The following DLG2 variants were observed in gnomAD, a reference collection of about 807,000 sequenced individuals.
DLG2 encodes the protein discs large MAGUK scaffold protein 2.
Under a neutral mutation model 132.5 loss-of-function variants are expected in DLG2, and 45 were observed. The ratio of observed to expected loss-of-function variants is 0.34; its 90% CI spans 0.27 to 0.44. The LOEUF is 0.44. DLG2 is among the 20% of genes least tolerant of loss of function. The pLI is 1.00. For synonymous variants in DLG2, 424 were observed against 419.6 expected (o/e 1.01, Z -0.13); for missense variants, 1,045 against 1,196.9 (o/e 0.87, Z 1.87).
chr11:84,993,985 C>G (rs563796063), intron 6 of DLG2, among the ~76,000 whole-genome samples: 2 of 152,212 alleles, frequency 1.3e-5, no homozygotes, highest in African/African-American at 4.8e-5. Context: ...ACATGTAAAC[C>G]TAGGTAACAA....
At chr11:83,719,248 G>T (rs2087669414) in intron 18 of DLG2, among the ~76,000 whole-genome samples, 1 of 152,180 alleles carries the variant, frequency 6.6e-6, no homozygotes, top group African/African-American at 2.4e-5. Flanking sequence ...CATGAAGCAA[G>T]CTGCTTTTTC....
chr11:85,623,728 G>A (rs955632127), intron 2 of DLG2, among the ~76,000 whole-genome samples: 9 of 152,162 alleles, frequency 5.9e-5, no homozygotes, highest in Non-Finnish European at 1.2e-4. Context: ...AAGCTGCATT[G>A]TACTAGAAAA....
intron 8 of DLG2, among the ~76,000 whole-genome samples, chr11:84,172,130 A>T (rs983071827): frequency 6.6e-6 from 1 of 152,240 alleles, no homozygotes. Context: ...TTAAACACTT[A>T]GTAGTAAGCA....
intron 9 of DLG2, among the ~76,000 whole-genome samples, chr11:84,148,826 T>C (rs984555345): frequency 3.9e-5 from 6 of 152,156 alleles, no homozygotes; most frequent in African/African-American, 1.4e-4. Context: ...GTAATTTACA[T>C]TCCCATCCAC....
chr11:84,716,010 T>C (rs559427850), intron 6 of DLG2, among the ~76,000 whole-genome samples: 11 of 152,090 alleles, frequency 7.2e-5, no homozygotes, highest in Non-Finnish European at 1.6e-4. Flanking sequence ...ATTATCACAC[T>C]AATTTACATT....
intron 3 of DLG2, among the ~76,000 whole-genome samples, chr11:85,425,299 T>C (rs1356113718): frequency 6.6e-6 from 1 of 152,070 alleles, no homozygotes; most frequent in Admixed American, 6.5e-5. Context: ...GCTCTATAAA[T>C]GACAAAAGGT....
rs1317411877 is a variant in DLG2, at chr11:84,194,801, C to T, written c.574-31290G>A. 2.6e-5 allele frequency among the ~76,000 whole-genome samples: 4 copies of T among 152,206 alleles called. No homozygotes were observed. In the East Asian group the frequency reaches 7.7e-4, roughly 29 times the overall value. On this transcript the variant is annotated intron_variant, in intron 8 of 27. Transcript: ENST00000376104. The stretch of plus-strand genomic sequence containing the variant: ...GGCAGAGCTGCCTGCCAGTCCCACA[C>T]CCTGCGCCCACACTCCTCAGCCCTT...
At chr11:85,479,699 G>A (rs977175416) in intron 3 of DLG2, among the ~76,000 whole-genome samples, 4 of 152,064 alleles carry the variant, frequency 2.6e-5, no homozygotes, top group African/African-American at 9.7e-5. Flanking sequence ...TTAAGTACCT[G>A]GGTAGCTTAA....
At chr11:85,415,576 A>C (rs116743705) in intron 3 of DLG2, among the ~76,000 whole-genome samples, 6 of 152,182 alleles carry the variant, frequency 3.9e-5, no homozygotes, top group African/African-American at 1.4e-4. Flanking sequence ...ATGGTTTCTC[A>C]TTGCGATTTT....
chr11:83,471,228 A>G (rs2091983763), intron 24 of DLG2, among the ~76,000 whole-genome samples: 1 of 152,046 alleles, frequency 6.6e-6, no homozygotes, highest in South Asian at 2.1e-4. Context: ...AGTCATCCTG[A>G]GAGGATTTTA....
intron 3 of DLG2, among the ~76,000 whole-genome samples, chr11:85,437,396 C>A (rs1464442389): frequency 6.6e-6 from 1 of 151,788 alleles, no homozygotes; most frequent in Admixed American, 6.6e-5. Context: ...ACATTGACTG[C>A]CAAAAAGTCA....
intron 6 of DLG2, among the ~76,000 whole-genome samples, chr11:84,782,005 C>A (rs919636690): frequency 6.6e-6 from 1 of 152,020 alleles, no homozygotes; most frequent in Non-Finnish European, 1.5e-5. Flanking sequence ...TCTAGCCATG[C>A]CAAAAGAAGA....
chr11:83,902,853 G>A (rs1407918564), intron 15 of DLG2, among the ~76,000 whole-genome samples: 1 of 152,272 alleles, frequency 6.6e-6, no homozygotes, highest in South Asian at 2.1e-4. Context: ...ACCTCTAAAT[G>A]GATAGTGGGC....
chr11:84,655,891 T>C (rs1294379597), intron 6 of DLG2, among the ~76,000 whole-genome samples: 1 of 152,210 alleles, frequency 6.6e-6, no homozygotes, highest in Admixed American at 6.5e-5. Flanking sequence ...TGCTCAAGTA[T>C]TCTGAATGGC....
chr11:85,232,286 T>A (rs1416640747), intron 4 of DLG2, among the ~76,000 whole-genome samples: 1 of 151,970 alleles, frequency 6.6e-6, no homozygotes, highest in Non-Finnish European at 1.5e-5. Context: ...CATTATTCCA[T>A]CACATTTGAA....
chr11:84,841,641 A>T (rs1566115674), intron 6 of DLG2, among the ~76,000 whole-genome samples: 1 of 152,018 alleles, frequency 6.6e-6, no homozygotes, highest in Non-Finnish European at 1.5e-5. Flanking sequence ...TTTTGAACAG[A>T]TTAAAATTTT....
At chr11:85,447,710 C>T (rs1033213903) in intron 3 of DLG2, among the ~76,000 whole-genome samples, 1 of 151,796 alleles carries the variant, frequency 6.6e-6, no homozygotes. Context: ...TCAGTCATTA[C>T]CCTAAACATT....
intron 7 of DLG2, among the ~76,000 whole-genome samples, chr11:84,265,309 G>C (rs1237321580): frequency 6.6e-6 from 1 of 152,136 alleles, no homozygotes; most frequent in Non-Finnish European, 1.5e-5. Context: ...ACTGTGTTAA[G>C]AGTTCAATTC....
At chr11:85,516,638 A>G (rs768489208) in intron 3 of DLG2, among the ~76,000 whole-genome samples, 1 of 152,104 alleles carries the variant, frequency 6.6e-6, no homozygotes, top group Non-Finnish European at 1.5e-5. Flanking sequence ...AGAAACTACT[A>G]TGAACATCTC....
Sources: allele counts gnomAD v4.1 joint callset (sites outside exome capture counted in the v4.1 genomes callset), GRCh38; gene constraint gnomAD v4.1.1; transcripts MANE v1.5; gene names NCBI Gene and HGNC (gene_info 2026-07-23, HGNC 2026-07-21).